The following LRCH2 variants were observed in gnomAD, a reference collection of about 807,000 sequenced individuals.
LRCH2 encodes the protein leucine rich repeats and calponin homology domain containing 2, also known as leucine-rich repeat and calponin homology domain-containing protein 2.
A neutral mutation model predicts 68.9 loss-of-function variants in LRCH2; 38 were observed. The observed-to-expected ratio is 0.55, with a 90% CI of 0.43 to 0.72. The LOEUF (loss-of-function observed/expected upper bound fraction) is 0.72, where lower values mean the gene tolerates loss of function less well. Among genes scored for constraint, LRCH2 ranks in the 30% least tolerant of loss-of-function variants. LRCH2 has a pLI of 0.00. For missense variants in LRCH2, 528 were observed against 572.9 expected (o/e 0.92, Z 0.80); for synonymous variants, 191 against 208.1 (o/e 0.92, Z 0.71).
intron 1 of LRCH2, among the ~76,000 whole-genome samples, chrX:115,206,408 G>A (rs2072967126): frequency 8.9e-6 from 1 of 112,303 alleles, no homozygotes; most frequent in Admixed American, 9.4e-5. Context: ...CTGGAAGGTT[G>A]TGGGTTTACC....
At chrX:115,121,083 A>G (rs1261647032) in intron 20 of LRCH2, among the ~76,000 whole-genome samples, 2 of 108,212 alleles carry the variant, frequency 1.8e-5, no homozygotes, top group Non-Finnish European at 3.8e-5. Context: ...ATGACGAGTT[A>G]GTGGGTGCAG....
At chrX:115,171,682 G>GT (rs1232183924) in intron 5 of LRCH2, among the ~76,000 whole-genome samples, 155 of 101,592 alleles carry the variant, frequency 1.5e-3, no homozygotes, top group South Asian at 2.2e-3. Flanking sequence ...TTGTTTTTTT[G>GT]TTTTTTTTTT....
intron 20 of LRCH2, among the ~76,000 whole-genome samples, chrX:115,118,539 CA>C (rs1413850640): frequency 9.2e-6 from 1 of 109,021 alleles, no homozygotes; most frequent in Non-Finnish European, 1.9e-5. Flanking sequence ...GCTTACCAAC[CA>C]AAAAGAGTCC....
At chrX:115,188,052 C>T (rs782210228) in intron 2 of LRCH2, among the ~76,000 whole-genome samples, 174 bp downstream of exon 2, 2 of 112,274 alleles carry the variant, frequency 1.8e-5, no homozygotes, top group South Asian at 3.7e-4. Context: ...CTAAGCTCTG[C>T]TCTCAAGAAC....
At chrX:115,167,199 A>AAAAAC (rs1246649590) in intron 6 of LRCH2, among the ~76,000 whole-genome samples, 19 of 99,996 alleles carry the variant, frequency 1.9e-4, no homozygotes, top group Non-Finnish European at 3.7e-4. Context: ...GCTAAAAAAA[A>AAAAAC]AAAAAAAAAA....
At position 115,172,087 on chromosome X, in the gene LRCH2, G is replaced by A. The variant is rs185322715; in HGVS notation, c.865-1655C>T. On this transcript the variant is annotated intron_variant, in intron 5 of 20. Transcript: ENST00000317135. ...TAATAACATGCTTCTACTGCTATTT[G>A]TTTTAAATTTTCCAATGGTAGATTT... Among the ~76,000 whole-genome samples, 289 of 111,282 alleles carry A rather than the reference G, an allele frequency of 2.6e-3. 2 individuals are homozygous for A. Among genetic ancestry groups the A allele is most frequent in the African/African-American group, 9.0e-3 (275 of 30,638 alleles).
rs782616061 is a variant in LRCH2 at position 115,139,337 on chromosome X, GTTA to G, written c.1696-9141_1696-9139del. ...TATGAAATCAATATGTATTTTATGA[GTTA>G]TTATGTTTTATCATAATAGTAATGA... On this transcript the variant is annotated intron_variant, in intron 14 of 20. Transcript: ENST00000317135. 1.2e-4 allele frequency among the ~76,000 whole-genome samples: 14 copies of G among 112,033 alleles called. No individual in the cohort carries two copies. In the South Asian group the frequency reaches 1.8e-3, roughly 15 times the overall value.
In LRCH2 at chrX:115,176,962, G is replaced by T. The variant is rs952719452; in HGVS notation, c.864+2465C>A. ...GGGTTTCACCATATTGCCCAGGGTG[G>T]TCTCAAACTCCTGAGCTCAGGCGAT... On this transcript the variant is annotated intron_variant, in intron 5 of 20. Transcript: ENST00000317135. Among the ~76,000 whole-genome samples, 6 of 105,123 alleles carry T rather than the reference G, an allele frequency of 5.7e-5. No homozygotes were observed. In the Admixed American group the frequency reaches 6.2e-4, roughly 11 times the overall value. The allele number at this position is 105,123 out of a possible 115,157, so 91.3% of individuals were successfully genotyped here.
intron 15 of LRCH2, among the ~76,000 whole-genome samples, chrX:115,129,512 A>G (rs1273578556): frequency 9.0e-6 from 1 of 111,374 alleles, no homozygotes. Flanking sequence ...TCGGCATCTG[A>G]GCTGGCAGAC....
In LRCH2 at chrX:115,165,614, C is replaced by G. The variant is rs1556544364; in HGVS notation, c.1240G>C (p.Val414Leu). 12 of 1,170,167 alleles carry G rather than the reference C, an allele frequency of 1.0e-5. No individual in the cohort carries two copies. Among genetic ancestry groups the G allele is most frequent in the Non-Finnish European group, 1.4e-5 (12 of 872,468 alleles). The stretch of plus-strand genomic sequence containing the variant: ...GCATTTCCCTGTTCAGGAACTGCTA[C>G]ATCTTCTGTGTTGGGGTCAACAAAA... ...YDFVDPNTED[V>L]AVPEQGNAHI... Residue 414 changes from valine to leucine, a missense_variant, in exon 9 of 21, where the codon GTA becomes CTA. By Grantham distance (32) the Val-to-Leu change is conservative. Transcript: ENST00000317135.
chrX:115,184,650 T>C (rs2072718560), intron 2 of LRCH2, 113 bp from the exon 3 acceptor site: 1 of 691,967 alleles, frequency 1.4e-6, no homozygotes, highest in Non-Finnish European at 2.0e-6. Context: ...AATAACTTAA[T>C]AAGTACTTGC....
intron 3 of LRCH2, among the ~76,000 whole-genome samples, chrX:115,181,123 A>G (rs1556552474): frequency 9.0e-6 from 1 of 111,597 alleles, no homozygotes; most frequent in African/African-American, 3.3e-5. Flanking sequence ...GGAACAATAA[A>G]AGTGAAGGCG....
chrX:115,163,031 G>A (rs1556542639), intron 11 of LRCH2, among the ~76,000 whole-genome samples: 2 of 111,371 alleles, frequency 1.8e-5, no homozygotes, highest in Non-Finnish European at 3.8e-5. Context: ...CATTCACACA[G>A]TACCCTTCTC....
At chrX:115,184,634 C>T (rs1556553808) in intron 2 of LRCH2, 97 bp from the exon 3 acceptor site, 6 of 790,663 alleles carry the variant, frequency 7.6e-6, no homozygotes, top group Middle Eastern at 3.6e-4. Flanking sequence ...TATTCTATCA[C>T]TAAGTAATAA....
intron 1 of LRCH2, among the ~76,000 whole-genome samples, chrX:115,231,446 A>G (rs994106473): frequency 6.3e-5 from 7 of 111,599 alleles, no homozygotes; most frequent in Admixed American, 5.8e-4. Flanking sequence ...TGCCCCTAAA[A>G]ATTTCGTGGC....
intron 1 of LRCH2, among the ~76,000 whole-genome samples, chrX:115,199,540 C>T (rs903112382): frequency 4.5e-5 from 5 of 111,768 alleles, no homozygotes; most frequent in Middle Eastern, 4.6e-3. Context: ...AAATAAAAGA[C>T]GGTTAAAAAA....
chrX:115,212,262 C>T (rs782152499), intron 1 of LRCH2, among the ~76,000 whole-genome samples: 1 of 111,877 alleles, frequency 8.9e-6, no homozygotes, highest in African/African-American at 3.2e-5. Flanking sequence ...GGGGGCAACA[C>T]TGATGGGCCC....
At chrX:115,204,855 A>G (rs183440734) in intron 1 of LRCH2, among the ~76,000 whole-genome samples, 92 of 111,366 alleles carry the variant, frequency 8.3e-4, no homozygotes, top group Non-Finnish European at 1.5e-3. Context: ...GAGCCCTCCA[A>G]ACCGTTCCAA....
At chrX:115,173,825 C>A (rs2072624318) in intron 5 of LRCH2, among the ~76,000 whole-genome samples, 1 of 111,729 alleles carries the variant, frequency 9.0e-6, no homozygotes, top group South Asian at 3.8e-4. Flanking sequence ...CAGCCCTGTT[C>A]AATGTGAAGA....
Sources: allele counts gnomAD v4.1 joint callset (sites outside exome capture counted in the v4.1 genomes callset), GRCh38; gene constraint gnomAD v4.1.1; transcripts MANE v1.5; gene names NCBI Gene and HGNC (gene_info 2026-07-23, HGNC 2026-07-21).